GNG7: variants seen among roughly 807,000 people sequenced by gnomAD.
GNG7 encodes the protein guanine nucleotide-binding protein G(I)/G(S)/G(O) subunit gamma-7.
Under a neutral mutation model 4.0 loss-of-function variants are expected in GNG7, and 1 was observed. The ratio of observed to expected loss-of-function variants is 0.25; its 90% CI spans 0.09 to 1.18. The LOEUF is 1.18. Ranked by LOEUF, GNG7 falls within the 50% of genes most tolerant of loss-of-function variation. The probability of loss-of-function intolerance (pLI) is 0.50; values close to 1 mark genes in which losing one functional copy is unlikely to be tolerated. For missense variants in GNG7, 86 were observed against 91.9 expected (o/e 0.94, Z 0.26); for synonymous variants, 34 against 36.9 (o/e 0.92, Z 0.29).
intron 2 of GNG7, among the ~76,000 whole-genome samples, chr19:2,598,430 G>A (rs957559806): frequency 3.1e-4 from 47 of 151,668 alleles, no homozygotes; most frequent in Middle Eastern, 3.4e-3. Flanking sequence ...GGCCGAGGCG[G>A]GCGGATCACG....
intron 2 of GNG7, among the ~76,000 whole-genome samples, chr19:2,584,208 T>C (rs1980578253): frequency 6.7e-6 from 1 of 149,058 alleles, no homozygotes; most frequent in African/African-American, 2.5e-5. Context: ...TTCGGGAGGC[T>C]GAGGTGGGAG....
At chr19:2,522,192 G>A (rs1218977689) in intron 3 of GNG7, among the ~76,000 whole-genome samples, 3 of 152,030 alleles carry the variant, frequency 2.0e-5, no homozygotes, top group African/African-American at 7.2e-5. Context: ...GGACGGCCCC[G>A]CTCCAGGGAA....
At chr19:2,584,450 A>G (rs1980585563) in intron 2 of GNG7, among the ~76,000 whole-genome samples, 1 of 151,190 alleles carries the variant, frequency 6.6e-6, no homozygotes, top group Admixed American at 6.6e-5. Flanking sequence ...CTCAAAAAAT[A>G]AAAAAATTAG....
intron 2 of GNG7, among the ~76,000 whole-genome samples, chr19:2,571,591 T>TTTTTTTTTTTTTTTTTTTTTTTG: frequency 8.6e-6 from 1 of 116,416 alleles, no homozygotes; most frequent in African/African-American, 4.6e-5. Context: ...TTCTTTCCTT[T>TTTTTTTTTTTTTTTTTTTTTTTG]TTTTTTTTTT....
At chr19:2,570,629 T>C (rs1304050469) in intron 2 of GNG7, among the ~76,000 whole-genome samples, 1 of 152,008 alleles carries the variant, frequency 6.6e-6, no homozygotes. Context: ...CAGGAGGAGC[T>C]TGAGAGAGAC....
intron 2 of GNG7, among the ~76,000 whole-genome samples, chr19:2,583,334 C>T (rs897900589): frequency 2.6e-5 from 4 of 152,160 alleles, no homozygotes; most frequent in East Asian, 1.9e-4. Context: ...TAAAGTTGTA[C>T]TATTTTGATG....
At position 2,539,912 on chromosome 19, in the gene GNG7, CCTCT is replaced by C. The variant is rs201125093; in HGVS notation, c.-38+15233_-38+15236del. Among the ~76,000 whole-genome samples the C allele has an allele frequency of 9.9e-3, 1,459 of 146,964 alleles. 27 individuals carry two copies. The highest frequency in any genetic ancestry group is 0.034 in the African/African-American group (1,346 of 39,820). ...TCCTTCCTTCCTCCTTCCCTCCCTC[CCTCT>C]TTCTCTTTCTTTCTTCTCTCTCCCT... On this transcript the variant is annotated intron_variant, in intron 3 of 4. Transcript: ENST00000382159.
chr19:2,582,865 C>T (rs1980543966), intron 2 of GNG7, among the ~76,000 whole-genome samples: 1 of 151,960 alleles, frequency 6.6e-6, no homozygotes, highest in Admixed American at 6.6e-5. Context: ...GATGGGGTTT[C>T]ACCATGTTGG....
intron 1 of GNG7, among the ~76,000 whole-genome samples, chr19:2,696,195 G>A (rs1913242620): frequency 8.2e-6 from 1 of 122,398 alleles, no homozygotes; most frequent in Admixed American, 7.9e-5. Flanking sequence ...GGAGAGAGAG[G>A]GGAGAGAGGG....
chr19:2,684,612 G>A (rs1983826335), intron 1 of GNG7, among the ~76,000 whole-genome samples: 2 of 152,300 alleles, frequency 1.3e-5, no homozygotes, highest in East Asian at 1.9e-4. Context: ...CAGTCTCAGT[G>A]AGAGAAGCCA....
At chr19:2,649,334 C>A (rs1056561851) in intron 1 of GNG7, among the ~76,000 whole-genome samples, 8 of 150,936 alleles carry the variant, frequency 5.3e-5, no homozygotes, top group Admixed American at 2.0e-4. Context: ...CACATCTTAT[C>A]AAAACCAGCA....
chr19:2,587,588 C>G (rs1980713285), intron 2 of GNG7, among the ~76,000 whole-genome samples: 1 of 152,084 alleles, frequency 6.6e-6, no homozygotes, highest in Admixed American at 6.6e-5. Context: ...CGGCCACAAA[C>G]GGGCTTCAAA....
intron 1 of GNG7, among the ~76,000 whole-genome samples, chr19:2,666,164 T>C (rs1983305381): frequency 6.6e-6 from 1 of 151,360 alleles, no homozygotes; most frequent in Non-Finnish European, 1.5e-5. Context: ...TAATTTTTAT[T>C]GTATTTATTT....
chr19:2,605,034 G>C (rs929124707), intron 2 of GNG7, among the ~76,000 whole-genome samples: 2 of 152,162 alleles, frequency 1.3e-5, no homozygotes, highest in Admixed American at 6.6e-5. Flanking sequence ...CAGAAATCTA[G>C]ATGTGGGCAA....
chr19:2,545,375 C>T (rs980345920), intron 3 of GNG7, among the ~76,000 whole-genome samples: 8 of 152,136 alleles, frequency 5.3e-5, no homozygotes, highest in East Asian at 1.9e-4. Context: ...AGGCCGGGCA[C>T]GGTGGCTTAT....
chr19:2,662,767 A>G (rs942070547), intron 1 of GNG7, among the ~76,000 whole-genome samples: 5 of 152,220 alleles, frequency 3.3e-5, no homozygotes, highest in African/African-American at 1.2e-4. Flanking sequence ...GTCACTGGCC[A>G]CTGGTCATCA....
At chr19:2,602,610 G>A (rs981812907) in intron 2 of GNG7, among the ~76,000 whole-genome samples, 8 of 152,262 alleles carry the variant, frequency 5.3e-5, no homozygotes, top group African/African-American at 1.9e-4. Flanking sequence ...ACCGGGCCCC[G>A]GAGCACGAAC....
chr19:2,596,987 G>A (rs971823997), intron 2 of GNG7, among the ~76,000 whole-genome samples: 2 of 151,190 alleles, frequency 1.3e-5, no homozygotes, highest in African/African-American at 2.4e-5. Flanking sequence ...GGCTGGGCTC[G>A]GTGGCTCACA....
intron 1 of GNG7, among the ~76,000 whole-genome samples, chr19:2,654,191 C>T (rs1359674450): frequency 6.6e-6 from 1 of 152,040 alleles, no homozygotes; most frequent in Non-Finnish European, 1.5e-5. Context: ...AGAGGAAAGA[C>T]GAGCTTCTGC....
Sources: gnomAD v4.1 joint callset for allele counts (sites outside exome capture counted in the v4.1 genomes callset) on GRCh38, gnomAD v4.1.1 for gene constraint, MANE v1.5 for transcripts, NCBI Gene and HGNC (gene_info 2026-07-23, HGNC 2026-07-21) for gene names.